AUTS2: variants seen among roughly 807,000 people sequenced by gnomAD.
AUTS2 encodes the protein activator of transcription and developmental regulator AUTS2.
Under a neutral mutation model 112.4 loss-of-function variants are expected in AUTS2, and 17 were observed. The observed-to-expected ratio is 0.15, with a 90% CI of 0.10 to 0.23. The LOEUF is 0.23. AUTS2 is among the 10% of genes least tolerant of loss of function. The pLI, the probability that AUTS2 is intolerant of heterozygous loss-of-function variation, is 1.00. For synonymous variants in AUTS2, 751 were observed against 702.7 expected, an observed-to-expected ratio of 1.07 and a Z score of -1.09; for missense variants, 1,510 against 1,701.6, an observed-to-expected ratio of 0.89 and a Z score of 1.98.
At chr7:70,691,635 C>G (rs1002375794) in intron 5 of AUTS2, among the ~76,000 whole-genome samples, 1 of 152,132 alleles carries the variant, frequency 6.6e-6, no homozygotes, top group Admixed American at 6.5e-5. Flanking sequence ...CAGAAATGGG[C>G]TCATTTGTGA....
At position 69,887,952 on chromosome 7, in the gene AUTS2, T is replaced by C. The variant is rs74851522; in HGVS notation, c.310-11334T>C. Among the ~76,000 whole-genome samples, 447 of 152,236 alleles carry C rather than the reference T, an allele frequency of 2.9e-3. 5 individuals are homozygous for C. The highest frequency in any genetic ancestry group is 0.01 in the African/African-American group (433 of 41,540). On this transcript the variant is annotated intron_variant, in intron 1 of 18. Coordinates refer to ENST00000342771, the MANE Select transcript of AUTS2 (RefSeq NM_015570.4). ...ATCCCCTCTTTAGCATATAGGGGAA[T>C]AGAAATGGTTTATCCGGGATATGGA...
chr7:70,000,075 A>G (rs1404020375), intron 2 of AUTS2, among the ~76,000 whole-genome samples: 3 of 152,230 alleles, frequency 2.0e-5, no homozygotes, highest in Non-Finnish European at 4.4e-5. Flanking sequence ...GTGAAAGTGC[A>G]CACAAACATG....
intron 2 of AUTS2, among the ~76,000 whole-genome samples, chr7:69,900,869 A>C (rs1012946630): frequency 6.6e-5 from 10 of 152,214 alleles, no homozygotes; most frequent in African/African-American, 2.4e-4. Context: ...AGTAATTATT[A>C]ACATTTACCT....
At chr7:69,859,106 T>G (rs1262172402) in intron 1 of AUTS2, among the ~76,000 whole-genome samples, 4 of 152,184 alleles carry the variant, frequency 2.6e-5, no homozygotes, top group Non-Finnish European at 5.9e-5. Flanking sequence ...GTACCAACAT[T>G]TACGAAATGA....
At chr7:70,344,920 C>T (rs1415275292) in intron 4 of AUTS2, among the ~76,000 whole-genome samples, 4 of 152,250 alleles carry the variant, frequency 2.6e-5, no homozygotes, top group South Asian at 4.1e-4. Context: ...CTCCTCTGGC[C>T]GCCTGTTGTA....
intron 2 of AUTS2, among the ~76,000 whole-genome samples, chr7:69,987,511 CT>C (rs1403677317): frequency 1.3e-5 from 2 of 152,156 alleles, no homozygotes; most frequent in Non-Finnish European, 2.9e-5. Context: ...ATTTCCCAGG[CT>C]TTTATAGAGC....
rs1309841643 is a variant in AUTS2 at position 70,631,970 on chromosome 7, G to A, written c.691-66599G>A. ...GCCTCCTGTGGAGACCCGATCTGCC[G>A]TCCTGGTGGGCAGCAGGTGTGAGCG... On this transcript the variant is annotated intron_variant, in intron 5 of 18. Transcript: ENST00000342771. This position sits in a 1 kb window ranked among gnomAD's most constrained non-coding sequence, Gnocchi z 4.5. Among the ~76,000 whole-genome samples the A allele has an allele frequency of 7.2e-5, 11 of 151,982 alleles. No individual in the cohort carries two copies. Among genetic ancestry groups the A allele is most frequent in the African/African-American group, 1.7e-4 (7 of 41,462 alleles).
rs58289887 is a variant in AUTS2, at chr7:69,659,583, G to GTTTTTTT, written c.309+59636_309+59642dup. Among the ~76,000 whole-genome samples the GTTTTTTT allele has an allele frequency of 4.2e-4, 34 of 81,258 alleles. 1 individual carries two copies. The highest frequency in any genetic ancestry group is 5.9e-4 in the African/African-American group (12 of 20,364). The allele number at this position is 81,258 out of a possible 152,430, so 53.3% of individuals were successfully genotyped here. ...TGGATGGGAAAGCTGAGGCTTAGTT[G>GTTTTTTT]TTTTTTTTTTTTTTTTTTTTTGAGA... On this transcript the variant is annotated intron_variant, in intron 1 of 18. Coordinates refer to ENST00000342771, the MANE Select transcript of AUTS2 (RefSeq NM_015570.4).
intron 5 of AUTS2, among the ~76,000 whole-genome samples, chr7:70,508,653 C>T (rs147543407): frequency 9.2e-4 from 140 of 152,214 alleles, no homozygotes; most frequent in African/African-American, 3.2e-3. Context: ...AGTGTGTGCG[C>T]GTACATACAT....
At chr7:70,632,348 G>T (rs1355558523) in intron 5 of AUTS2, among the ~76,000 whole-genome samples, 5 of 152,216 alleles carry the variant, frequency 3.3e-5, no homozygotes, top group African/African-American at 1.2e-4. Flanking sequence ...CGTGGGCTGA[G>T]ATTTCACAAA....
chr7:69,699,948 A>G (rs1229161967), intron 1 of AUTS2, among the ~76,000 whole-genome samples: 2 of 152,156 alleles, frequency 1.3e-5, no homozygotes, highest in Non-Finnish European at 2.9e-5. Context: ...TCTTGATCAT[A>G]TGGCATTTCA....
At chr7:70,765,121 C>A in intron 8 of AUTS2, 116 bp downstream of exon 8, 1 of 1,383,334 alleles carries the variant, frequency 7.2e-7, no homozygotes, top group Non-Finnish European at 9.7e-7. Context: ...TTTTTCCTTC[C>A]TTACTGTGAT....
At chr7:70,607,736 T>C (rs1173032653) in intron 5 of AUTS2, among the ~76,000 whole-genome samples, 2 of 152,164 alleles carry the variant, frequency 1.3e-5, no homozygotes, top group African/African-American at 2.4e-5. Context: ...TATGAAGTGG[T>C]ACACACAAAA....
chr7:70,013,404 C>T (rs1037402647), intron 2 of AUTS2, among the ~76,000 whole-genome samples: 25 of 152,164 alleles, frequency 1.6e-4, no homozygotes, highest in African/African-American at 5.8e-4. Context: ...AAGTCAAGAT[C>T]GCTTTTAGCT....
At chr7:70,080,904 G>A (rs988838494) in intron 2 of AUTS2, among the ~76,000 whole-genome samples, 29 of 152,310 alleles carry the variant, frequency 1.9e-4, no homozygotes, top group African/African-American at 3.8e-4. Context: ...ATTAGAGGGC[G>A]TTGGAAAGAG....
chr7:70,014,915 G>A (rs758843150), intron 2 of AUTS2, among the ~76,000 whole-genome samples: 12 of 152,190 alleles, frequency 7.9e-5, no homozygotes, highest in African/African-American at 4.8e-5. Context: ...CTTGTTATGT[G>A]AATGTGTTTT....
intron 1 of AUTS2, among the ~76,000 whole-genome samples, chr7:69,699,109 T>G (rs553906950): frequency 4.6e-5 from 7 of 152,300 alleles, no homozygotes; most frequent in African/African-American, 1.7e-4. Flanking sequence ...TTATAATTCT[T>G]GAATAATATA....
chr7:70,525,513 T>C (rs910972360), intron 5 of AUTS2, among the ~76,000 whole-genome samples: 10 of 152,338 alleles, frequency 6.6e-5, no homozygotes, highest in South Asian at 2.1e-4. Context: ...AGAGTATTTT[T>C]TCCCAGATAC....
chr7:70,434,484 C>T (rs183176860), intron 4 of AUTS2, among the ~76,000 whole-genome samples: 11 of 152,344 alleles, frequency 7.2e-5, no homozygotes, highest in Admixed American at 7.2e-4. Context: ...ATCCTAGACA[C>T]ATCCCTGTTA....
Sources: allele counts gnomAD v4.1 joint callset (sites outside exome capture counted in the v4.1 genomes callset), GRCh38; gene constraint gnomAD v4.1.1; non-coding constraint Gnocchi (gnomAD v3.1); transcripts MANE v1.5; gene names NCBI Gene and HGNC (gene_info 2026-07-23, HGNC 2026-07-21).